Variants in DMD observed in about 807,000 individuals in gnomAD.
DMD encodes the protein mutant dystrophin.
In DMD, 63 loss-of-function variants were observed where a neutral mutation model predicts 330.1. The ratio of observed to expected loss-of-function variants is 0.19; its 90% CI spans 0.16 to 0.24. The LOEUF (loss-of-function observed/expected upper bound fraction) is 0.24, where lower values mean the gene tolerates loss of function less well. Among genes scored for constraint, DMD ranks in the 10% least tolerant of loss-of-function variants. The pLI is 1.00. For synonymous variants in DMD, 1,223 were observed against 959.8 expected (o/e 1.27, Z -5.07); for missense variants, 3,344 against 2,684.1 (o/e 1.25, Z -5.43).
chrX:31,221,171 C>A (rs1458256760), intron 64 of DMD, among the ~76,000 whole-genome samples: 2 of 110,896 alleles, frequency 1.8e-5, no homozygotes, highest in East Asian at 5.7e-4. Context: ...CTGTCACTCC[C>A]ACATCGCACC....
intron 7 of DMD, among the ~76,000 whole-genome samples, chrX:32,737,177 T>G (rs1434688777): frequency 9.1e-6 from 1 of 110,284 alleles, no homozygotes; most frequent in African/African-American, 3.3e-5. Flanking sequence ...TTTTTTTTTC[T>G]TGAAAACTCA....
At position 32,844,878 on chromosome X, in the gene DMD, G is replaced by A; in HGVS notation, c.187-18C>T. Reference sequence around the variant, plus strand: ...TCTTTTGGCTGAGAACAAAACAAAAGAGTGTTCACTGACCAGCAGAGAGAC... The same window carrying A: ...TCTTTTGGCTGAGAACAAAACAAAAAAGTGTTCACTGACCAGCAGAGAGAC... On this transcript the variant is annotated intron_variant, in intron 3 of 78. Transcript: ENST00000357033. 1.7e-6 allele frequency: 2 copies of A among 1,166,593 alleles called. No homozygotes were observed. The highest frequency in any genetic ancestry group is 1.8e-5 in the South Asian group (1 of 55,907).
At chrX:31,556,450 C>T (rs776307677) in intron 55 of DMD, among the ~76,000 whole-genome samples, 3 of 104,482 alleles carry the variant, frequency 2.9e-5, no homozygotes, top group African/African-American at 1.1e-4. Flanking sequence ...GAAGATCATT[C>T]GTTGAATTTG....
At chrX:31,296,733 T>A (rs1005676324) in intron 62 of DMD, among the ~76,000 whole-genome samples, 4 of 111,878 alleles carry the variant, frequency 3.6e-5, no homozygotes, top group Non-Finnish European at 7.5e-5. Context: ...CTTATAATAT[T>A]CCTGATGCCA....
At chrX:31,732,303 C>T (rs1272052741) in intron 51 of DMD, among the ~76,000 whole-genome samples, 2 of 111,754 alleles carry the variant, frequency 1.8e-5, no homozygotes, top group Admixed American at 9.5e-5. Context: ...ATTTATCATA[C>T]ACTAATAGGC....
chrX:32,567,675 G>T (rs1242931054), intron 15 of DMD, among the ~76,000 whole-genome samples: 2 of 112,586 alleles, frequency 1.8e-5, no homozygotes, highest in East Asian at 5.6e-4. Flanking sequence ...GGGATTACAG[G>T]CATGAGCCAC....
intron 1 of DMD, among the ~76,000 whole-genome samples, chrX:33,165,021 G>A (rs1244942017): frequency 1.8e-5 from 2 of 108,128 alleles, no homozygotes; most frequent in African/African-American, 6.7e-5. Flanking sequence ...TTCTAGAAGT[G>A]TTTACTTGAA....
rs907948088 is a variant in DMD at position 32,011,269 on chromosome X, G to C, written c.6439-42755C>G. The stretch of plus-strand genomic sequence containing the variant: ...CTTATTCGTAGGACAGCCACCTACA[G>C]GGCCACCCAGAATGGCTCATTAAGC... On this transcript the variant is annotated intron_variant, in intron 44 of 78. Transcript: ENST00000357033. 5.4e-5 allele frequency among the ~76,000 whole-genome samples: 6 copies of C among 112,126 alleles called. No homozygotes were observed. In the Admixed American group the frequency reaches 5.7e-4, roughly 11 times the overall value.
At chrX:31,251,305 T>C (rs1447271448) in intron 63 of DMD, among the ~76,000 whole-genome samples, 1 of 110,747 alleles carries the variant, frequency 9.0e-6, no homozygotes, top group African/African-American at 3.3e-5. Flanking sequence ...CTTAAAGTGA[T>C]AGCCTCTTTA....
chrX:32,672,175 C>A (rs748519862), intron 9 of DMD, among the ~76,000 whole-genome samples: 1 of 110,872 alleles, frequency 9.0e-6, no homozygotes, highest in Admixed American at 9.7e-5. Context: ...AAGTATTGCT[C>A]TAGAAATATT....
chrX:32,847,727 T>C (rs953326565), intron 3 of DMD, among the ~76,000 whole-genome samples: 3 of 112,163 alleles, frequency 2.7e-5, no homozygotes, highest in Non-Finnish European at 5.6e-5. Flanking sequence ...TGTTTGGTGA[T>C]TTTTCCCTAC....
chrX:33,057,236 T>C (rs2094528381), intron 1 of DMD, among the ~76,000 whole-genome samples: 1 of 85,087 alleles, frequency 1.2e-5, no homozygotes, highest in African/African-American at 5.1e-5. Context: ...ACACATAAAA[T>C]GGCTCACTTT....
Position 32,823,157 on chromosome X carries a change from A to G in DMD, c.357+138T>C. 6 of 504,192 alleles carry G rather than the reference A, an allele frequency of 1.2e-5. No homozygotes were observed. In the South Asian group the frequency reaches 1.7e-4, roughly 14 times the overall value. 41.6% of individuals were successfully genotyped at this position (504,192 alleles called of 1,213,427 possible). On this transcript the variant is annotated intron_variant, in intron 5 of 78. Coordinates refer to ENST00000357033, the MANE Select transcript of DMD (RefSeq NM_004006.3). Reference sequence around the variant, plus strand: ...TCCTTAACATTTCAGACGACATGGTAGTGTCAATTTAAAAAGCAGCACTAT... The same window carrying G: ...TCCTTAACATTTCAGACGACATGGTGGTGTCAATTTAAAAAGCAGCACTAT...
At chrX:33,244,544 G>T (rs927053848) in intron 1 of DMD, among the ~76,000 whole-genome samples, 36 of 111,871 alleles carry the variant, frequency 3.2e-4, no homozygotes, top group African/African-American at 1.1e-3. Context: ...GAGTTTGCAA[G>T]TTTAGTTATT....
chrX:32,009,882 T>G (rs1051236704), intron 44 of DMD, among the ~76,000 whole-genome samples: 1 of 112,169 alleles, frequency 8.9e-6, no homozygotes, highest in African/African-American at 3.2e-5. Flanking sequence ...CATGATAAAA[T>G]CCAGCTCAAC....
At chrX:32,927,687 T>C (rs749925618) in intron 2 of DMD, among the ~76,000 whole-genome samples, 1 of 111,915 alleles carries the variant, frequency 8.9e-6, no homozygotes, top group African/African-American at 3.2e-5. Flanking sequence ...ACAGATTTAA[T>C]GTAAATCATC....
At chrX:32,140,227 C>T (rs1350509827) in intron 44 of DMD, among the ~76,000 whole-genome samples, 2 of 112,075 alleles carry the variant, frequency 1.8e-5, no homozygotes, top group Admixed American at 9.5e-5. Flanking sequence ...AAAACTGTGT[C>T]TTCTCTCAAA....
intron 13 of DMD, among the ~76,000 whole-genome samples, chrX:32,577,592 A>G (rs1281372720): frequency 8.9e-6 from 1 of 112,439 alleles, no homozygotes; most frequent in African/African-American, 3.2e-5. Context: ...ATCAAATCTA[A>G]GAACTGCCAA....
chrX:32,650,409 G>A (rs1039337685), intron 9 of DMD, among the ~76,000 whole-genome samples: 10 of 110,903 alleles, frequency 9.0e-5, no homozygotes, highest in African/African-American at 3.3e-4. Context: ...TGAATTTTTT[G>A]GTGTATTCTA....
Sources: allele counts gnomAD v4.1 joint callset (sites outside exome capture counted in the v4.1 genomes callset), GRCh38; gene constraint gnomAD v4.1.1; transcripts MANE v1.5; gene names NCBI Gene and HGNC (gene_info 2026-07-23, HGNC 2026-07-21).